Variants in OSBPL5 observed in about 807,000 individuals in gnomAD.
OSBPL5 encodes the protein oxysterol-binding protein-related protein 5.
OSBPL5 carries 71 observed loss-of-function variants against 111.2 expected under a neutral mutation model. The ratio of observed to expected loss-of-function variants is 0.64; its 90% CI spans 0.53 to 0.78. The LOEUF is 0.78. OSBPL5 is among the 30% of genes least tolerant of loss of function. OSBPL5 has a pLI of 0.00. For synonymous variants in OSBPL5, 549 were observed against 513.9 expected (o/e 1.07, Z -0.93); for missense variants, 1,210 against 1,189.3 (o/e 1.02, Z -0.26).
rs1846706452 is a variant in OSBPL5, at chr11:3,154,884, G to T, written c.-22+10332C>A. ...TACATATGTAACAAACCTGCACGTTGTGCACATGTACCCTAGAACTTAAAG... is the reference window on the plus strand; with the variant it reads ...TACATATGTAACAAACCTGCACGTTTTGCACATGTACCCTAGAACTTAAAG... On this transcript the variant is annotated intron_variant, in intron 1 of 21. Transcript: ENST00000263650. The surrounding 1 kb of genome is among the most constrained non-coding windows in gnomAD (Gnocchi z 4.9). Among the ~76,000 whole-genome samples the T allele has an allele frequency of 6.6e-6, 1 of 151,886 alleles. No individual in the cohort carries two copies. The highest frequency in any genetic ancestry group is 6.6e-5 in the Admixed American group (1 of 15,244).
At chr11:3,097,072 T>G (rs897711265) in intron 14 of OSBPL5, among the ~76,000 whole-genome samples, 2 of 3,938 alleles carry the variant, frequency 5.1e-4, no homozygotes, top group African/African-American at 1.2e-3. Context: ...AGGGGGAAGA[T>G]GGAAGGAGGA....
chr11:3,094,506 C>A (rs1857184782), intron 14 of OSBPL5, 172 bp from the exon 15 acceptor site: 1 of 591,050 alleles, frequency 1.7e-6, no homozygotes, highest in South Asian at 2.0e-5. Flanking sequence ...GCGCTGGGAG[C>A]AGAACCCCAC....
intron 7 of OSBPL5, among the ~76,000 whole-genome samples, chr11:3,116,674 G>T (rs549765582): frequency 6.6e-6 from 1 of 152,256 alleles, no homozygotes; most frequent in South Asian, 2.1e-4. Context: ...GGCCAACATG[G>T]TGAAACCCCA....
chr11:3,098,710 C>T (rs775535346), intron 14 of OSBPL5, among the ~76,000 whole-genome samples: 3 of 151,620 alleles, frequency 2.0e-5, no homozygotes, highest in Admixed American at 6.6e-5. Context: ...TCTCCATGTT[C>T]GTCAGGCTGG....
In OSBPL5 at chr11:3,103,292, G is replaced by A; in HGVS notation, c.1273C>T (p.Arg425Cys). 2 of 1,608,088 alleles carry A rather than the reference G, an allele frequency of 1.2e-6. No homozygotes were observed. The highest frequency in any genetic ancestry group is 1.7e-6 in the Non-Finnish European group (2 of 1,177,324). ...TACCACCGCAGCACCAGCTTCATGC[G>A]GCTGTAGGCATCCTCCTCCACCGCA... ...RAAVEEDAYS[R>C]MKLVLRWYLS... is the part of the protein sequence containing the mutation. Residue 425 changes from arginine to cysteine, a missense_variant, in exon 11 of 22, where the codon CGC becomes TGC. Arg to Cys is a radical substitution (Grantham distance 180). Transcript: ENST00000263650.
chr11:3,143,621 C>T (rs1040353320), intron 1 of OSBPL5, among the ~76,000 whole-genome samples: 29 of 152,342 alleles, frequency 1.9e-4, no homozygotes, highest in African/African-American at 5.8e-4. Flanking sequence ...ACATCTTGTC[C>T]GCTTCCACGC....
Position 3,140,691 on chromosome 11 carries a change from C to T in OSBPL5, c.-21-11522G>A, listed in dbSNP as rs578219192. Among the ~76,000 whole-genome samples the T allele has an allele frequency of 6.6e-6, 1 of 152,300 alleles. No individual in the cohort carries two copies. Among genetic ancestry groups the T allele is most frequent in the African/African-American group, 2.4e-5 (1 of 41,564 alleles). On this transcript the variant is annotated intron_variant, in intron 1 of 21. Coordinates refer to ENST00000263650, the MANE Select transcript of OSBPL5 (RefSeq NM_020896.4). This position sits in a 1 kb window ranked among gnomAD's most constrained non-coding sequence, Gnocchi z 4.5. ...CATTACCCAGGACTGGCTGTAGGAG[C>T]CTTGTTTCCAAGACCAGAGAGGTCA... is the stretch of plus-strand genomic sequence containing the variant.
intron 3 of OSBPL5, among the ~76,000 whole-genome samples, chr11:3,122,813 C>T (rs373920439): frequency 1.3e-5 from 2 of 152,154 alleles, no homozygotes; most frequent in South Asian, 2.1e-4. Flanking sequence ...CCTGGGAGGC[C>T]GCTGAGGAAA....
intron 7 of OSBPL5, among the ~76,000 whole-genome samples, chr11:3,108,229 T>C (rs1226771482): frequency 6.6e-6 from 1 of 152,092 alleles, no homozygotes; most frequent in African/African-American, 2.4e-5. Flanking sequence ...GAGGCAGCCC[T>C]GCAGAGGCAC....
chr11:3,112,125 G>A lies in OSBPL5; in HGVS notation c.692-4180C>T, dbSNP rs564376720. Among the ~76,000 whole-genome samples the A allele has an allele frequency of 8.6e-4, 113 of 130,698 alleles. 1 individual carries two copies. Among genetic ancestry groups the A allele is most frequent in the African/African-American group, 2.5e-3 (86 of 34,708 alleles). The allele number at this position is 130,698 out of a possible 152,430, so 85.7% of individuals were successfully genotyped here. On this transcript the variant is annotated intron_variant, in intron 7 of 21. Coordinates refer to ENST00000263650, the MANE Select transcript of OSBPL5 (RefSeq NM_020896.4). ...TATGTGTGTGTGCATGTGTGTGTGT[G>A]CGCATATGTGTGTGTTTGTATTTAA... is the stretch of plus-strand genomic sequence containing the variant.
rs141647338 is a variant in OSBPL5, at chr11:3,104,302, G to A, written c.1135C>T (p.Arg379Trp). 2.9e-5 allele frequency: 46 copies of A among 1,613,604 alleles called. No individual in the cohort carries two copies. Among genetic ancestry groups the A allele is most frequent in the Middle Eastern group, 3.3e-4 (2 of 6,082 alleles). ...ACGCGGGACAGGTCCATGCCTGGCC[G>A]TAGCTGCTTCAGCAGGGTCCACATC... is the stretch of plus-strand genomic sequence containing the variant. Reference protein sequence around the residue: ...SLMWTLLKQLRPGMDLSRVVL... With the variant: ...SLMWTLLKQLWPGMDLSRVVL... Residue 379 changes from arginine to tryptophan, a missense_variant, in exon 10 of 22, where the codon CGG becomes TGG. Transcript: ENST00000263650. The surrounding 1 kb of genome is among the most constrained non-coding windows in gnomAD (Gnocchi z 5.0).
Position 3,154,165 on chromosome 11 carries a change from G to A in OSBPL5, c.-22+11051C>T, listed in dbSNP as rs1238143069. Reference sequence around the variant, plus strand: ...GAGCTGCTGTAGGAGGTGTTTGCTAGACTGGGCCAGAGGGCAAAGGTGAAG... The same window carrying A: ...GAGCTGCTGTAGGAGGTGTTTGCTAAACTGGGCCAGAGGGCAAAGGTGAAG... On this transcript the variant is annotated intron_variant, in intron 1 of 21. Transcript: ENST00000263650. The surrounding 1 kb of genome is among the most constrained non-coding windows in gnomAD (Gnocchi z 4.9). Among the ~76,000 whole-genome samples the A allele has an allele frequency of 2.0e-5, 3 of 152,260 alleles. No homozygotes were observed. Among genetic ancestry groups the A allele is most frequent in the Non-Finnish European group, 4.4e-5 (3 of 68,050 alleles).
chr11:3,094,190 T>C, intron 15 of OSBPL5, 47 bp downstream of exon 15: 1 of 1,571,194 alleles, frequency 6.4e-7, no homozygotes, highest in African/African-American at 1.3e-5. Context: ...CCCCAAGGCT[T>C]CGTTCCTTCC....
chr11:3,152,077 C>A (rs1846610799), intron 1 of OSBPL5, among the ~76,000 whole-genome samples: 2 of 152,252 alleles, frequency 1.3e-5, no homozygotes, highest in Non-Finnish European at 2.9e-5. Context: ...CTCCCGATTA[C>A]ATCAAGGGAC....
chr11:3,137,538 C>T (rs1025117311), intron 1 of OSBPL5, among the ~76,000 whole-genome samples: 1 of 152,194 alleles, frequency 6.6e-6, no homozygotes, highest in Non-Finnish European at 1.5e-5. Flanking sequence ...GTGTACTGCA[C>T]CTGGGATTAC....
At position 3,163,656 on chromosome 11, in the gene OSBPL5, G is replaced by A. The variant is rs545203489; in HGVS notation, c.-22+1560C>T. ...CACTGGACATGCAGGATGGCTGCCC[G>A]GGGTTCGACATCTGCAGGGCAGCCT... On this transcript the variant is annotated intron_variant, in intron 1 of 21. Transcript: ENST00000263650. Among the ~76,000 whole-genome samples the A allele has an allele frequency of 5.3e-4, 81 of 152,294 alleles. 1 individual carries two copies. The Middle Eastern group carries it at 0.027, about 51-fold the overall frequency.
Position 3,127,206 on chromosome 11 carries a change from C to A in OSBPL5, c.137-651G>T, listed in dbSNP as rs1181357406. On this transcript the variant is annotated intron_variant, in intron 2 of 21. Transcript: ENST00000263650. ...GCTGCAGGGGAAGCCTGAGGTCTGCCCAGCAGGGCCGCTCCCGCTGCTTCC... is the reference window on the plus strand; with the variant it reads ...GCTGCAGGGGAAGCCTGAGGTCTGCACAGCAGGGCCGCTCCCGCTGCTTCC... Among the ~76,000 whole-genome samples, 6 of 152,328 alleles carry A rather than the reference C, an allele frequency of 3.9e-5. No homozygotes were observed. The South Asian group carries it at 1.2e-3, about 32-fold the overall frequency.
chr11:3,101,196 A>G (rs560790022), intron 13 of OSBPL5, among the ~76,000 whole-genome samples: 1 of 152,096 alleles, frequency 6.6e-6, no homozygotes, highest in East Asian at 1.9e-4. Flanking sequence ...TCTGGTCTCA[A>G]ACTCCTGATC....
At chr11:3,089,548 ACCC>A (rs1048777877) in intron 21 of OSBPL5, among the ~76,000 whole-genome samples, 5 of 152,114 alleles carry the variant, frequency 3.3e-5, no homozygotes, top group Admixed American at 6.5e-5. Context: ...TCCTGGGGCT[ACCC>A]CAGGCCATGC....
Sources: gnomAD v4.1 joint callset for allele counts (sites outside exome capture counted in the v4.1 genomes callset) on GRCh38, gnomAD v4.1.1 for gene constraint, Gnocchi (gnomAD v3.1) non-coding constraint, MANE v1.5 for transcripts, NCBI Gene and HGNC (gene_info 2026-07-23, HGNC 2026-07-21) for gene names.